Variants in CASD1 observed in about 807,000 individuals in gnomAD.
CASD1 encodes CAS1 domain sialic acid O acetyltransferase 1, also known as N-acetylneuraminate (7)9-O-acetyltransferase.
Under a neutral mutation model 100.0 loss-of-function variants are expected in CASD1, and 41 were observed. The observed-to-expected ratio is 0.41, with a 90% CI of 0.32 to 0.53. The LOEUF (loss-of-function observed/expected upper bound fraction) is 0.53, where lower values mean the gene tolerates loss of function less well. CASD1 is among the 20% of genes least tolerant of loss of function. The pLI, the probability that CASD1 is intolerant of heterozygous loss-of-function variation, is 0.25. For missense variants in CASD1, 774 were observed against 948.7 expected, an observed-to-expected ratio of 0.82 and a Z score of 2.42; for synonymous variants, 321 against 315.6, an observed-to-expected ratio of 1.02 and a Z score of -0.18.
chr7:94,548,777 A>G (rs1421021745), intron 13 of CASD1, among the ~76,000 whole-genome samples: 2 of 151,846 alleles, frequency 1.3e-5, no homozygotes, highest in African/African-American at 2.4e-5. Flanking sequence ...TTTCCTTGAT[A>G]GAGTTCATTG....
chr7:94,569,907 G>A, the CASD1 span, among the ~76,000 whole-genome samples: 8 of 150,520 alleles, frequency 5.3e-5, no homozygotes, highest in South Asian at 8.4e-4. Flanking sequence ...TCTGCCTCCC[G>A]GGTTCATGCT....
At chr7:94,594,128 TAGAA>T in the CASD1 span, among the ~76,000 whole-genome samples, 900 of 152,228 alleles carry the variant, frequency 5.9e-3, 12 homozygotes, top group African/African-American at 0.02. Flanking sequence ...TTTAAATAAT[TAGAA>T]AGGGCAATCA....
At chr7:94,527,128 T>C (rs753661575) in intron 3 of CASD1, 34 bp from the exon 4 acceptor site, 13 of 1,513,494 alleles carry the variant, frequency 8.6e-6, no homozygotes, top group South Asian at 6.9e-5. Context: ...ATTTAATCTA[T>C]ACATTAATAT....
downstream of CASD1, among the ~76,000 whole-genome samples, chr7:94,557,532 G>C (rs182036802): frequency 5.3e-5 from 8 of 152,120 alleles, no homozygotes; most frequent in African/African-American, 1.9e-4. Flanking sequence ...TAGCTTGTAA[G>C]TTTTATCACC....
chr7:94,626,996 T>C, the CASD1 span: 1 of 152,074 alleles, frequency 6.6e-6, no homozygotes, highest in African/African-American at 2.4e-5. Flanking sequence ...ATTGCATTTA[T>C]ATATTTCTTT....
intron 10 of CASD1, among the ~76,000 whole-genome samples, chr7:94,542,953 A>G (rs1238106746): frequency 6.6e-6 from 1 of 152,196 alleles, no homozygotes; most frequent in Non-Finnish European, 1.5e-5. Flanking sequence ...TGATATGTAG[A>G]TTGTAGGTGC....
the CASD1 span, chr7:94,627,998 T>C: frequency 1.9e-6 from 1 of 525,424 alleles, no homozygotes; most frequent in Non-Finnish European, 3.4e-6. Context: ...TCATTTTTAA[T>C]ATAAAAGCTG....
chr7:94,582,740 A>G, the CASD1 span, among the ~76,000 whole-genome samples: 5 of 152,154 alleles, frequency 3.3e-5, no homozygotes, highest in Non-Finnish European at 1.5e-5. Flanking sequence ...TATAGCATCA[A>G]TTACTTTCCC....
At chr7:94,589,318 C>T in the CASD1 span, 12,535 of 156,828 alleles carry the variant, frequency 0.08, 1,725 homozygotes, top group African/African-American at 0.29. Flanking sequence ...TTTGACATTT[C>T]TTTTTGTCTC....
the CASD1 span, chr7:94,624,029 CAA>C: frequency 1.2e-3 from 484 of 393,586 alleles, no homozygotes; most frequent in Admixed American, 2.2e-3. Flanking sequence ...AGACTTACAT[CAA>C]AGTCAATTCA....
the CASD1 span, among the ~76,000 whole-genome samples, chr7:94,601,443 CAA>C: frequency 2.3e-3 from 205 of 89,204 alleles, no homozygotes; most frequent in African/African-American, 9.5e-3. Context: ...ATCCCAGTAT[CAA>C]AAAAAAAAAA....
chr7:94,601,851 AT>A, the CASD1 span, among the ~76,000 whole-genome samples: 4 of 152,060 alleles, frequency 2.6e-5, no homozygotes, highest in East Asian at 5.8e-4. Context: ...GGGGGGTGAA[AT>A]TTAGGTCCTG....
the CASD1 span, chr7:94,617,039 G>C: frequency 6.6e-6 from 1 of 152,154 alleles, no homozygotes; most frequent in East Asian, 1.9e-4. Flanking sequence ...GGGTGTTGGG[G>C]GTCAGTCAGT....
rs187261065 is a variant in CASD1 at position 94,553,993 on chromosome 7, G to C, written c.2035-490G>C. 4 of 152,436 alleles carry C rather than the reference G, an allele frequency of 2.6e-5. No individual in the cohort carries two copies. In the East Asian group the frequency reaches 7.7e-4, roughly 30 times the overall value. 9.4% of individuals were successfully genotyped at this position (152,436 alleles called of 1,614,324 possible). ...TATAGTTCAAGACATCATTCGCCAG[G>C]CCATGCAGAGCAAACATGAAGACAT... On this transcript the variant is annotated intron_variant, in intron 16 of 17. Transcript: ENST00000297273.
chr7:94,541,714 A>G (rs1795411872), intron 10 of CASD1, among the ~76,000 whole-genome samples: 1 of 151,956 alleles, frequency 6.6e-6, no homozygotes, highest in Non-Finnish European at 1.5e-5. Context: ...TATTCTTAAT[A>G]CTAAACTTTT....
chr7:94,601,470 A>AAAAAAAAAAAAAT, the CASD1 span, among the ~76,000 whole-genome samples: 1 of 130,092 alleles, frequency 7.7e-6, no homozygotes, highest in African/African-American at 2.7e-5. Context: ...AAAAAAAAAA[A>AAAAAAAAAAAAAT]AAAAAACTAC....
chr7:94,616,675 G>A, the CASD1 span, among the ~76,000 whole-genome samples: 1 of 151,932 alleles, frequency 6.6e-6, no homozygotes, highest in Non-Finnish European at 1.5e-5. Flanking sequence ...AGGCAACAGG[G>A]CTAAAAAATT....
At position 94,555,997 on chromosome 7, in the gene CASD1, A is replaced by G. The variant is rs1796189683; in HGVS notation, c.*239A>G. The G allele has an allele frequency of 2.8e-6, 1 of 359,878 alleles. No individual in the cohort carries two copies. Among genetic ancestry groups the G allele is most frequent in the Non-Finnish European group, 5.0e-6 (1 of 201,450 alleles). The allele number at this position is 359,878 out of a possible 1,614,324, so 22.3% of individuals were successfully genotyped here. ...ACCAGAATGCATTGTATAGGATTGC[A>G]TGTGAAGTCTTTTCTACTGAATCTA... is the stretch of plus-strand genomic sequence containing the variant. On this transcript the variant is annotated 3_prime_UTR_variant, in exon 18 of 18. Coordinates refer to ENST00000297273, the MANE Select transcript of CASD1 (RefSeq NM_022900.5).
chr7:94,512,393 A>G (rs907567236), intron 1 of CASD1, among the ~76,000 whole-genome samples: 2 of 152,238 alleles, frequency 1.3e-5, no homozygotes, highest in African/African-American at 4.8e-5. Context: ...AGGATCTTAC[A>G]TTAGATGAAG....
Sources: allele counts gnomAD v4.1 joint callset (sites outside exome capture counted in the v4.1 genomes callset), GRCh38; gene constraint gnomAD v4.1.1; transcripts MANE v1.5; gene names NCBI Gene and HGNC (gene_info 2026-07-23, HGNC 2026-07-21).